Variants in ZFPM2 observed in about 807,000 individuals in gnomAD.
ZFPM2 encodes the protein zinc finger protein, FOG family member 2, also known as zinc finger protein ZFPM2.
A neutral mutation model predicts 98.6 loss-of-function variants in ZFPM2; 20 were observed. That is an observed-to-expected ratio of 0.20 (90% CI 0.14 to 0.29). ZFPM2 has a LOEUF of 0.29. ZFPM2 is among the 10% of genes least tolerant of loss of function. ZFPM2 has a pLI of 1.00. For missense variants in ZFPM2, 1,310 were observed against 1,388.6 expected (o/e 0.94, Z 0.90); for synonymous variants, 518 against 502.7 (o/e 1.03, Z -0.41).
intron 2 of ZFPM2, among the ~76,000 whole-genome samples, chr8:105,434,085 A>G (rs1265953522): frequency 6.6e-6 from 1 of 152,202 alleles, no homozygotes; most frequent in Non-Finnish European, 1.5e-5. Context: ...AAAACTCTGC[A>G]TTTTATTATA....
intron 5 of ZFPM2, among the ~76,000 whole-genome samples, chr8:105,746,316 G>A (rs1166523024): frequency 6.6e-6 from 1 of 151,928 alleles, no homozygotes; most frequent in Admixed American, 6.6e-5. Flanking sequence ...GAAAGATAAC[G>A]ATTCCCAGTG....
chr8:105,631,613 C>T (rs970299134), intron 4 of ZFPM2, among the ~76,000 whole-genome samples: 3 of 152,084 alleles, frequency 2.0e-5, no homozygotes, highest in South Asian at 2.1e-4. Context: ...TCATTGACCC[C>T]GAAACAATTG....
At chr8:105,616,204 A>C (rs1043774954) in intron 4 of ZFPM2, among the ~76,000 whole-genome samples, 21 of 152,140 alleles carry the variant, frequency 1.4e-4, no homozygotes, top group Non-Finnish European at 2.6e-4. Context: ...AAGTTTTTAC[A>C]TTTGATAAGT....
intron 5 of ZFPM2, among the ~76,000 whole-genome samples, chr8:105,687,158 T>C (rs1810758168): frequency 6.6e-6 from 1 of 152,170 alleles, no homozygotes; most frequent in Admixed American, 6.5e-5. Context: ...AAGCCACATA[T>C]TGAAAGCATC....
At chr8:105,673,214 C>A (rs1471704853) in intron 5 of ZFPM2, among the ~76,000 whole-genome samples, 1 of 79,890 alleles carries the variant, frequency 1.3e-5, no homozygotes, top group Non-Finnish European at 2.3e-5. Context: ...TTTTACCGAT[C>A]GTACTTACTT....
rs553831157 is a variant in ZFPM2 at position 105,503,858 on chromosome 8, G to T, written c.302-57505G>T. Among the ~76,000 whole-genome samples the T allele has an allele frequency of 2.0e-5, 3 of 152,304 alleles. No homozygotes were observed. The South Asian group carries it at 6.2e-4, about 32-fold the overall frequency. ...AATGACCTAGAAAACAATTTGAAATGATTGAATGATGAACTTGATTCCTTG... is the reference window on the plus strand; with the variant it reads ...AATGACCTAGAAAACAATTTGAAATTATTGAATGATGAACTTGATTCCTTG... On this transcript the variant is annotated intron_variant, in intron 3 of 7. Transcript: ENST00000407775.
intron 3 of ZFPM2, among the ~76,000 whole-genome samples, chr8:105,492,127 C>A (rs1477291459): frequency 2.0e-5 from 3 of 152,076 alleles, no homozygotes; most frequent in Non-Finnish European, 4.4e-5. Context: ...ATCAATTTAA[C>A]AAACTGTGTT....
chr8:105,666,473 T>C (rs1234982595), intron 5 of ZFPM2, among the ~76,000 whole-genome samples: 1 of 152,170 alleles, frequency 6.6e-6, no homozygotes, highest in Non-Finnish European at 1.5e-5. Flanking sequence ...ATCTGTTGCT[T>C]TACACCTCAA....
rs372032426 is a variant in ZFPM2, at chr8:105,650,674, T to C, written c.532+16317T>C. On this transcript the variant is annotated intron_variant, in intron 5 of 7. Transcript: ENST00000407775. ...AGGAGCAGGTTGTTCAGTTTCCGTGTAGTGGAGCGGTTTTTAGTGAGTTTC... is the reference window on the plus strand; with the variant it reads ...AGGAGCAGGTTGTTCAGTTTCCGTGCAGTGGAGCGGTTTTTAGTGAGTTTC... Among the ~76,000 whole-genome samples, 54 of 152,322 alleles carry C rather than the reference T, an allele frequency of 3.5e-4. 1 individual carries two copies. In the South Asian group the frequency reaches 7.2e-3, roughly 20 times the overall value.
intron 1 of ZFPM2, among the ~76,000 whole-genome samples, chr8:105,368,714 G>C (rs1390606030): frequency 6.6e-6 from 1 of 152,038 alleles, no homozygotes; most frequent in Non-Finnish European, 1.5e-5. Context: ...GGAATGTACT[G>C]TTTCCCTTTT....
intron 5 of ZFPM2, among the ~76,000 whole-genome samples, chr8:105,666,994 T>C (rs1817501467): frequency 6.6e-6 from 1 of 152,214 alleles, no homozygotes; most frequent in Admixed American, 6.5e-5. Flanking sequence ...AAAAAACACT[T>C]GTATATCTGC....
chr8:105,449,714 A>G (rs752905446), intron 3 of ZFPM2, among the ~76,000 whole-genome samples: 5 of 151,970 alleles, frequency 3.3e-5, no homozygotes, highest in Admixed American at 1.3e-4. Flanking sequence ...AGCTATTAAC[A>G]CTCCAAGGCC....
At chr8:105,740,760 G>A (rs1353997020) in intron 5 of ZFPM2, among the ~76,000 whole-genome samples, 2 of 151,572 alleles carry the variant, frequency 1.3e-5, no homozygotes, top group Non-Finnish European at 2.9e-5. Context: ...CTTCCCATAG[G>A]AGTTTATACT....
intron 1 of ZFPM2, among the ~76,000 whole-genome samples, chr8:105,332,343 T>C (rs534701237): frequency 1.3e-5 from 2 of 151,776 alleles, no homozygotes; most frequent in South Asian, 2.1e-4. Context: ...TGTTCACTTC[T>C]ATAACTACAG....
At chr8:105,393,381 T>TTTCTTTCTTTCTTTCTTTCTTTC (rs1554600715) in intron 1 of ZFPM2, among the ~76,000 whole-genome samples, 2 of 130,678 alleles carry the variant, frequency 1.5e-5, no homozygotes, top group Admixed American at 1.6e-4. Flanking sequence ...TTTCTTTCTT[T>TTTCTTTCTTTCTTTCTTTCTTTC]CTTTCTTTCT....
chr8:105,656,242 C>T (rs1454451891), intron 5 of ZFPM2, among the ~76,000 whole-genome samples: 3 of 152,118 alleles, frequency 2.0e-5, no homozygotes, highest in Non-Finnish European at 2.9e-5. Context: ...TGATGAAACC[C>T]TCCTGGTTCC....
chr8:105,352,260 A>G (rs559326315), intron 1 of ZFPM2, among the ~76,000 whole-genome samples: 3 of 152,334 alleles, frequency 2.0e-5, no homozygotes, highest in East Asian at 3.9e-4. Context: ...CTTTGAAACC[A>G]TAGTAGAAAC....
chr8:105,682,557 A>G (rs963063938), intron 5 of ZFPM2, among the ~76,000 whole-genome samples: 5 of 152,202 alleles, frequency 3.3e-5, no homozygotes, highest in African/African-American at 1.2e-4. Context: ...AAAGTTTAAC[A>G]TGATTGGATT....
At chr8:105,770,938 A>T (rs138283117) in intron 5 of ZFPM2, among the ~76,000 whole-genome samples, 1 of 152,252 alleles carries the variant, frequency 6.6e-6, no homozygotes, top group East Asian at 1.9e-4. Context: ...TCCTCTAGGG[A>T]GCTATATCTA....
Sources: gnomAD v4.1 joint callset for allele counts (sites outside exome capture counted in the v4.1 genomes callset) on GRCh38, gnomAD v4.1.1 for gene constraint, MANE v1.5 for transcripts, NCBI Gene and HGNC (gene_info 2026-07-23, HGNC 2026-07-21) for gene names.